The following AGBL1 variants were observed in gnomAD, a reference collection of about 807,000 sequenced individuals.
The protein encoded by AGBL1 is AGBL carboxypeptidase 1, also known as cytosolic carboxypeptidase 4.
In AGBL1, 130 loss-of-function variants were observed where a neutral mutation model predicts 118.9. The ratio of observed to expected loss-of-function variants is 1.09; its 90% confidence interval spans 0.95 to 1.26. AGBL1 has a LOEUF of 1.26. Ranked by LOEUF, AGBL1 falls within the 50% of genes most tolerant of loss-of-function variation. The pLI, the probability that AGBL1 is intolerant of heterozygous loss-of-function variation, is 0.00. For missense variants in AGBL1, 1,584 were observed against 1,298.1 expected, an observed-to-expected ratio of 1.22 and a Z score of -3.38; for synonymous variants, 555 against 478.9, an observed-to-expected ratio of 1.16 and a Z score of -2.08.
chr15:86,128,309 T>C (rs563065981), intron 1 of AGBL1, among the ~76,000 whole-genome samples: 2 of 152,050 alleles, frequency 1.3e-5, no homozygotes, highest in East Asian at 3.9e-4. Context: ...ACGAGAGTTA[T>C]TCACTACCAC....
chr15:86,603,346 T>G (rs2142374678), intron 21 of AGBL1, among the ~76,000 whole-genome samples: 1 of 152,306 alleles, frequency 6.6e-6, no homozygotes, highest in South Asian at 2.1e-4. Flanking sequence ...TATGTGGTTG[T>G]TTAGGAAATA....
At chr15:86,710,392 T>C (rs1236516547) in intron 22 of AGBL1, among the ~76,000 whole-genome samples, 1 of 152,202 alleles carries the variant, frequency 6.6e-6, no homozygotes, top group Non-Finnish European at 1.5e-5. Flanking sequence ...TAACATCCCA[T>C]TATTTTTAAA....
At chr15:86,885,289 G>A (rs2079954367) in intron 22 of AGBL1, among the ~76,000 whole-genome samples, 1 of 152,084 alleles carries the variant, frequency 6.6e-6, no homozygotes, top group Non-Finnish European at 1.5e-5. Flanking sequence ...AATTACTATA[G>A]AACTGAATGT....
At chr15:86,838,711 A>G (rs1182557187) in intron 22 of AGBL1, among the ~76,000 whole-genome samples, 1 of 151,954 alleles carries the variant, frequency 6.6e-6, no homozygotes, top group Non-Finnish European at 1.5e-5. Flanking sequence ...AGGCCGAGGC[A>G]GAAAGACTGC....
intron 22 of AGBL1, among the ~76,000 whole-genome samples, chr15:86,791,585 A>G (rs555139428): frequency 1.6e-4 from 25 of 152,154 alleles, no homozygotes; most frequent in Non-Finnish European, 3.2e-4. Context: ...TTGCTTTTCT[A>G]CAAGCTAATG....
At chr15:86,545,765 C>A (rs1035876443) in intron 19 of AGBL1, among the ~76,000 whole-genome samples, 1 of 152,108 alleles carries the variant, frequency 6.6e-6, no homozygotes, top group Non-Finnish European at 1.5e-5. Flanking sequence ...CTATTCACTC[C>A]TAAGACCCTT....
intron 11 of AGBL1, 34 bp from the exon 12 acceptor site, chr15:86,266,340 C>T (rs780957820): frequency 6.2e-5 from 94 of 1,512,512 alleles, no homozygotes; most frequent in Middle Eastern, 5.1e-4. Context: ...GAGAGAAGGC[C>T]GACCCTTAAA....
intron 5 of AGBL1, among the ~76,000 whole-genome samples, chr15:86,166,939 G>A (rs940682593): frequency 5.9e-5 from 9 of 152,110 alleles, no homozygotes; most frequent in African/African-American, 1.9e-4. Flanking sequence ...ATCTGCTGAA[G>A]CTTGTACAGC....
intron 21 of AGBL1, among the ~76,000 whole-genome samples, chr15:86,570,959 C>T (rs1227551074): frequency 6.6e-6 from 1 of 152,150 alleles, no homozygotes; most frequent in Non-Finnish European, 1.5e-5. Flanking sequence ...AGCATGCGGG[C>T]TGGCCTGTGA....
chr15:86,500,255 G>A (rs904973643), intron 18 of AGBL1, among the ~76,000 whole-genome samples: 2 of 151,780 alleles, frequency 1.3e-5, no homozygotes, highest in African/African-American at 4.8e-5. Flanking sequence ...GTCTTTATGT[G>A]TGTCTCATGG....
chr15:86,528,365 A>G (rs201040137), intron 19 of AGBL1, among the ~76,000 whole-genome samples: 11 of 152,190 alleles, frequency 7.2e-5, no homozygotes, highest in African/African-American at 9.6e-5. Flanking sequence ...CTGGAAAATC[A>G]GGTCACTCCC....
At position 86,956,822 on chromosome 15, in the gene AGBL1, C is replaced by A. The variant is rs534085832; in HGVS notation, c.3222-31165C>A. 4.1e-4 allele frequency among the ~76,000 whole-genome samples: 63 copies of A among 152,172 alleles called. No individual in the cohort carries two copies. The South Asian group carries it at 8.7e-3, about 21-fold the overall frequency. ...GCTACATTTTCATAGAGCAATGTAGCAGCATTTCAAAATGTTAGTGAAATA... is the reference window on the plus strand; with the variant it reads ...GCTACATTTTCATAGAGCAATGTAGAAGCATTTCAAAATGTTAGTGAAATA... On this transcript the variant is annotated intron_variant, in intron 23 of 24. Coordinates refer to the AGBL1 transcript ENST00000441037.
chr15:86,112,871 A>G (rs1897483530), intron 1 of AGBL1, among the ~76,000 whole-genome samples: 1 of 152,174 alleles, frequency 6.6e-6, no homozygotes, highest in Non-Finnish European at 1.5e-5. Flanking sequence ...AAATAAGCCT[A>G]TTAGCTATTT....
chr15:86,335,655 A>G (rs984149485), intron 17 of AGBL1, among the ~76,000 whole-genome samples: 1 of 152,250 alleles, frequency 6.6e-6, no homozygotes, highest in Non-Finnish European at 1.5e-5. Context: ...TAAAATACAT[A>G]AAATGACACA....
intron 22 of AGBL1, among the ~76,000 whole-genome samples, chr15:86,753,129 G>A (rs957739649): frequency 2.0e-5 from 3 of 151,946 alleles, no homozygotes; most frequent in East Asian, 1.9e-4. Flanking sequence ...AGAGACAAAC[G>A]CATGTAGAGA....
intron 22 of AGBL1, among the ~76,000 whole-genome samples, chr15:86,791,479 C>T (rs748696600): frequency 6.6e-6 from 1 of 152,090 alleles, no homozygotes; most frequent in Admixed American, 6.6e-5. Flanking sequence ...GGCAGGAAAG[C>T]TGGCCACAAT....
intron 5 of AGBL1, among the ~76,000 whole-genome samples, chr15:86,160,433 C>G (rs947585245): frequency 2.6e-5 from 4 of 152,164 alleles, no homozygotes. Context: ...TCTTCTCCCC[C>G]CACTTCCTGG....
At chr15:86,463,285 T>G (rs2082356557) in intron 18 of AGBL1, among the ~76,000 whole-genome samples, 2 of 151,728 alleles carry the variant, frequency 1.3e-5, no homozygotes, top group Non-Finnish European at 2.9e-5. Context: ...GATGGGGTTG[T>G]TTGTTTTTTT....
intron 21 of AGBL1, among the ~76,000 whole-genome samples, chr15:86,564,659 T>C (rs560739646): frequency 6.6e-6 from 1 of 152,336 alleles, no homozygotes; most frequent in South Asian, 2.1e-4. Flanking sequence ...CTGTATTTCA[T>C]GAATTTGAAT....
Sources: allele counts gnomAD v4.1 joint callset (sites outside exome capture counted in the v4.1 genomes callset), GRCh38; gene constraint gnomAD v4.1.1; transcripts MANE v1.5; gene names NCBI Gene and HGNC (gene_info 2026-07-23, HGNC 2026-07-21).